The following CD8B variants were observed in gnomAD, a reference collection of about 807,000 sequenced individuals.
The protein encoded by CD8B is T-cell surface glycoprotein CD8 beta chain.
A neutral mutation model predicts 24.2 loss-of-function variants in CD8B; 6 were observed. The ratio of observed to expected loss-of-function variants is 0.25; its 90% CI spans 0.14 to 0.49. The LOEUF is 0.49. Ranked by LOEUF, CD8B falls within the 20% of genes least tolerant of loss-of-function variation. CD8B has a pLI of 0.98. For synonymous variants in CD8B, 84 were observed against 108.3 expected (o/e 0.78, Z 1.39); for missense variants, 196 against 271.3 (o/e 0.72, Z 1.95).
rs560208775 is a variant in CD8B, at chr2:86,821,005, C to G, written c.621-5287G>C. On this transcript the variant is annotated intron_variant, in intron 5 of 5. Transcript: ENST00000331469. ...CAGGTAGCCCAGATCTGCTATGTGC[C>G]AGCCCTAATTACTGAGCCATCCTGT... Among the ~76,000 whole-genome samples, 3 of 152,248 alleles carry G rather than the reference C, an allele frequency of 2.0e-5. No homozygotes were observed. The East Asian group carries it at 5.8e-4, about 29-fold the overall frequency.
At chr2:86,846,436 G>A (rs1252171137) in intron 4 of CD8B, among the ~76,000 whole-genome samples, 4 of 152,068 alleles carry the variant, frequency 2.6e-5, no homozygotes, top group East Asian at 3.9e-4. Context: ...CAGAGAGACC[G>A]GGGCACTGGA....
At chr2:86,832,021 G>A (rs1272511384) in intron 5 of CD8B, among the ~76,000 whole-genome samples, 1 of 152,226 alleles carries the variant, frequency 6.6e-6, no homozygotes, top group Non-Finnish European at 1.5e-5. Flanking sequence ...AGGTATCAGT[G>A]AGTGGGAAAG....
At chr2:86,854,544 G>A (rs903243246) in intron 2 of CD8B, among the ~76,000 whole-genome samples, 6 of 152,156 alleles carry the variant, frequency 3.9e-5, no homozygotes, top group Non-Finnish European at 8.8e-5. Context: ...CCTGACTCCT[G>A]GATGGGTCAC....
chr2:86,816,599 T>C (rs936100072), intron 5 of CD8B, among the ~76,000 whole-genome samples: 1 of 152,212 alleles, frequency 6.6e-6, no homozygotes, highest in Non-Finnish European at 1.5e-5. Context: ...GTGAACATGT[T>C]GGAGATGGCT....
chr2:86,822,268 A>G (rs552497747), intron 5 of CD8B: 11 of 985,128 alleles, frequency 1.1e-5, no homozygotes, highest in African/African-American at 1.6e-5. Context: ...GTTTCAGGTA[A>G]GAGTCATGAT....
At chr2:86,815,688 A>C in exon 6 of CD8B, 1 of 1,612,476 alleles carries the variant, frequency 6.2e-7, no homozygotes, top group Non-Finnish European at 8.5e-7. Flanking sequence ...ATTGGGGGAC[A>C]AAGGTTCCTG....
rs571522134 is a variant in CD8B, at chr2:86,859,972, A to C, written c.44-1556T>G. Among the ~76,000 whole-genome samples the C allele has an allele frequency of 4.6e-5, 7 of 152,246 alleles. No homozygotes were observed. In the South Asian group the frequency reaches 1.0e-3, roughly 23 times the overall value. On this transcript the variant is annotated intron_variant, in intron 1 of 5. Coordinates refer to ENST00000390655, the MANE Select transcript of CD8B (RefSeq NM_004931.5). ...ACCACTCTTAGCTTTCGCTCGCATCAAGAATGAAATGATGGGGCCGGGTGT... is the reference window on the plus strand; with the variant it reads ...ACCACTCTTAGCTTTCGCTCGCATCCAGAATGAAATGATGGGGCCGGGTGT...
intron 5 of CD8B, among the ~76,000 whole-genome samples, chr2:86,827,704 A>C (rs772348801): frequency 2.6e-5 from 4 of 152,056 alleles, no homozygotes; most frequent in African/African-American, 7.2e-5. Flanking sequence ...TTGGAAGCTG[A>C]ATAATGTAGA....
chr2:86,857,715 G>A (rs1451750985), intron 2 of CD8B, among the ~76,000 whole-genome samples: 2 of 151,950 alleles, frequency 1.3e-5, no homozygotes, highest in Admixed American at 6.6e-5. Context: ...GTGAGGCTCT[G>A]TCTCAAAAAA....
intron 5 of CD8B, among the ~76,000 whole-genome samples, chr2:86,817,707 A>T (rs956096984): frequency 1.3e-5 from 2 of 152,222 alleles, no homozygotes; most frequent in Non-Finnish European, 2.9e-5. Context: ...ATAGGGGTGA[A>T]GAAGGGGTCT....
At chr2:86,851,811 G>T (rs1675988650) in intron 3 of CD8B, among the ~76,000 whole-genome samples, 1 of 152,170 alleles carries the variant, frequency 6.6e-6, no homozygotes, top group African/African-American at 2.4e-5. Flanking sequence ...TAAGGAAAAC[G>T]TGTGCATGGG....
chr2:86,859,883 G>C (rs1676478941), intron 1 of CD8B, among the ~76,000 whole-genome samples: 1 of 151,966 alleles, frequency 6.6e-6, no homozygotes, highest in African/African-American at 2.4e-5. Context: ...CAGGCTCCGT[G>C]GCCCCATAAT....
chr2:86,833,580 T>TCCGCTCTCCTCCCCTCCCC, downstream of CD8B, among the ~76,000 whole-genome samples: 1 of 125,094 alleles, frequency 8.0e-6, no homozygotes, highest in Non-Finnish European at 1.7e-5. Context: ...CTCCCTCCCT[T>TCCGCTCTCCTCCCCTCCCC]TCTCTCTCAC....
chr2:86,844,507 G>A (rs575457412), intron 5 of CD8B: 4 of 588,890 alleles, frequency 6.8e-6, no homozygotes, highest in East Asian at 1.3e-4. Flanking sequence ...GCGGTATTCT[G>A]TGCATGCAAA....
downstream of CD8B, among the ~76,000 whole-genome samples, chr2:86,835,360 G>C (rs74767962): frequency 0.19 from 29,292 of 152,020 alleles, 2,790 homozygotes; most frequent in East Asian, 0.23. Context: ...GTGGCTGCAG[G>C]GTAGGTACTC....
intron 5 of CD8B, among the ~76,000 whole-genome samples, chr2:86,822,895 C>T (rs1017862972): frequency 6.6e-6 from 1 of 152,160 alleles, no homozygotes; most frequent in Non-Finnish European, 1.5e-5. Flanking sequence ...TCTCATCATT[C>T]TGCAGTTGTT....
intron 1 of CD8B, among the ~76,000 whole-genome samples, chr2:86,861,561 C>T (rs1368096463): frequency 6.6e-6 from 1 of 152,176 alleles, no homozygotes; most frequent in African/African-American, 2.4e-5. Context: ...CTTTTCACTG[C>T]CTCCCCTTCT....
chr2:86,822,738 C>T lies in CD8B; in HGVS notation c.621-7020G>A, dbSNP rs114944590. On this transcript the variant is annotated intron_variant, in intron 5 of 5. Transcript: ENST00000331469. ...ACAAATGGAAAGCTTAAAAATAACT[C>T]ACTTCCCTTCCCAGAGAGCAATGTT... Among the ~76,000 whole-genome samples the T allele has an allele frequency of 2.0e-3, 308 of 152,248 alleles. 1 individual carries two copies. The highest frequency in any genetic ancestry group is 3.4e-3 in the Non-Finnish European group (234 of 68,020).
intron 5 of CD8B, chr2:86,844,529 C>G (rs1357402224): frequency 2.8e-5 from 25 of 901,740 alleles, no homozygotes; most frequent in Non-Finnish European, 3.5e-5. Flanking sequence ...CCTGATTGCT[C>G]TCCTCAGGAG....
Sources: allele counts gnomAD v4.1 joint callset (sites outside exome capture counted in the v4.1 genomes callset), GRCh38; gene constraint gnomAD v4.1.1; transcripts MANE v1.5; gene names NCBI Gene and HGNC (gene_info 2026-07-23, HGNC 2026-07-21).